Variants in NFX1 observed in about 807,000 individuals in gnomAD.
NFX1 encodes transcriptional repressor NF-X1.
A neutral mutation model predicts 137.2 loss-of-function variants in NFX1; 69 were observed. The observed-to-expected ratio is 0.50, with a 90% CI of 0.41 to 0.61. The LOEUF (loss-of-function observed/expected upper bound fraction) is 0.61, where lower values mean the gene tolerates loss of function less well. NFX1 is among the 20% of genes least tolerant of loss of function. The pLI is 0.00. For synonymous variants in NFX1, 495 were observed against 474.1 expected (o/e 1.04, Z -0.57); for missense variants, 1,167 against 1,391.0 (o/e 0.84, Z 2.56).
chr9:33,312,192 G>A (rs1821986466), intron 6 of NFX1, among the ~76,000 whole-genome samples: 1 of 152,172 alleles, frequency 6.6e-6, no homozygotes, highest in African/African-American at 2.4e-5. Context: ...AACTTATGTG[G>A]ACAGCCATGT....
In NFX1 at chr9:33,370,088, A is replaced by G. The variant is rs1397161964; in HGVS notation, c.*110A>G. ...CTGCCTGGCAGAATCACAGTCTCAC[A>G]TACTGTCTTGTACTGACACATCCAA... On this transcript the variant is annotated 3_prime_UTR_variant, in exon 24 of 24. Transcript: ENST00000379540. The G allele has an allele frequency of 3.7e-6, 3 of 800,866 alleles. No homozygotes were observed. The highest frequency in any genetic ancestry group is 3.4e-5 in the African/African-American group (2 of 58,396). The allele number at this position is 800,866 out of a possible 1,614,324, so 49.6% of individuals were successfully genotyped here. A position where few individuals can be genotyped will look rare whatever the true frequency, so the allele number is the denominator to read the frequency against.
rs1429702781 is a variant in NFX1 at position 33,295,394 on chromosome 9, A to G, written c.1000A>G (p.Asn334Asp). The change falls in exon 2 of 24, where the codon AAC becomes GAC. Residue 334 changes from asparagine to aspartate, a missense_variant. Around this residue, in one of 3 missense-constraint regions of NFX1, gnomAD observed 488 missense variants for 691.5 expected, o/e 0.71. Transcript: ENST00000379540. ...ATCTCCTTTCTCCCGAGGCAAACAGAACCATGTGCTAAAGAATGTGGAAAC... is the reference window on the plus strand; with the variant it reads ...ATCTCCTTTCTCCCGAGGCAAACAGGACCATGTGCTAAAGAATGTGGAAAC... The part of the protein sequence containing the change: ...VVSPFSRGKQ[N>D]HVLKNVETHT... 3 of 1,613,912 alleles carry G rather than the reference A, an allele frequency of 1.9e-6. No individual in the cohort carries two copies. In the South Asian group the frequency reaches 3.3e-5, roughly 18 times the overall value.
chr9:33,357,783 G>A (rs1587875913), intron 19 of NFX1, among the ~76,000 whole-genome samples: 2 of 150,708 alleles, frequency 1.3e-5, no homozygotes, highest in South Asian at 2.1e-4. Context: ...TGGCTCAAGC[G>A]AACCTCCTGC....
chr9:33,353,663 G>GT (rs1463898023), intron 17 of NFX1, among the ~76,000 whole-genome samples: 2 of 143,304 alleles, frequency 1.4e-5, no homozygotes, highest in Admixed American at 7.0e-5. Flanking sequence ...GGCCACACCA[G>GT]TTTTCATCTG....
intron 1 of NFX1, among the ~76,000 whole-genome samples, chr9:33,291,897 C>T (rs746691798): frequency 2.6e-4 from 40 of 151,832 alleles, no homozygotes; most frequent in Non-Finnish European, 4.7e-4. Context: ...AGTGTGACTT[C>T]GTCTCAAAAA....
rs752987048 is a variant in NFX1, at chr9:33,370,007, A to G, written c.*29A>G. Reference sequence around the variant, plus strand: ...GATCATGATGCACTTAGATAAAAGAATGATTAGGTATAGTGGAGACTTATT... The same window carrying G: ...GATCATGATGCACTTAGATAAAAGAGTGATTAGGTATAGTGGAGACTTATT... On this transcript the variant is annotated 3_prime_UTR_variant, in exon 24 of 24. Transcript: ENST00000379540. 1.3e-6 allele frequency: 2 copies of G among 1,547,534 alleles called. No homozygotes were observed. The highest frequency in any genetic ancestry group is 2.7e-5 in the African/African-American group (2 of 73,626).
chr9:33,334,025 A>G (rs1451963302), intron 11 of NFX1, among the ~76,000 whole-genome samples: 1 of 152,160 alleles, frequency 6.6e-6, no homozygotes, highest in African/African-American at 2.4e-5. Flanking sequence ...CACCCCTGTA[A>G]TCCCAGCTAC....
In NFX1 at chr9:33,318,848, C is replaced by T. The variant is rs1366226327; in HGVS notation, c.1688+18C>T. 1 of 1,614,044 alleles carries T rather than the reference C, an allele frequency of 6.2e-7. No individual in the cohort carries two copies. The highest frequency in any genetic ancestry group is 1.3e-5 in the African/African-American group (1 of 74,938). Reference sequence around the variant, plus strand: ...TGTGGCAAGTAAGGTTTTACGTTTTCTTCAGTTGAACTAAAGCTGCACTTT... The same window carrying T: ...TGTGGCAAGTAAGGTTTTACGTTTTTTTCAGTTGAACTAAAGCTGCACTTT... On this transcript the variant is annotated intron_variant, in intron 8 of 23. Transcript: ENST00000379540.
At chr9:33,339,797 G>C (rs1331222738) in intron 12 of NFX1, among the ~76,000 whole-genome samples, 1 of 152,194 alleles carries the variant, frequency 6.6e-6, no homozygotes, top group African/African-American at 2.4e-5. Flanking sequence ...AGGGGCTACA[G>C]GCCCCATGCA....
At chr9:33,351,527 A>G in intron 15 of NFX1, 33 bp from the exon 16 acceptor site, 2 of 1,585,444 alleles carry the variant, frequency 1.3e-6, no homozygotes, top group Non-Finnish European at 1.7e-6. Context: ...TCCCACATGG[A>G]GATGAGAATC....
In NFX1 at chr9:33,296,154, T is replaced by G. The variant is rs115831329; in HGVS notation, c.1033+727T>G. Among the ~76,000 whole-genome samples, 582 of 152,308 alleles carry G rather than the reference T, an allele frequency of 3.8e-3. 3 individuals are homozygous for G. The highest frequency in any genetic ancestry group is 0.013 in the African/African-American group (542 of 41,556). On this transcript the variant is annotated intron_variant, in intron 2 of 23. Coordinates refer to ENST00000379540, the MANE Select transcript of NFX1 (RefSeq NM_002504.6). ...GTTGGCCAGGCTAGTCTCAAACTTC[T>G]GACCTCGGGTGATCCGCCTCGGCTT...
At chr9:33,351,982 T>G (rs938596705) in intron 16 of NFX1, 192 bp downstream of exon 16, 1 of 542,690 alleles carries the variant, frequency 1.8e-6, no homozygotes, top group Non-Finnish European at 3.2e-6. Flanking sequence ...GCCTTTTGAT[T>G]CAGCAGGTAC....
intron 4 of NFX1, among the ~76,000 whole-genome samples, chr9:33,305,945 G>A (rs1163869129): frequency 1.3e-5 from 2 of 152,206 alleles, no homozygotes; most frequent in African/African-American, 4.8e-5. Flanking sequence ...AGGGTACAGA[G>A]TGAGAAAAGG....
chr9:33,319,096 G>A lies in NFX1; in HGVS notation c.1875G>A (p.Val625=), dbSNP rs1822287311. The A allele has an allele frequency of 6.2e-7, 1 of 1,614,222 alleles. No individual in the cohort carries two copies. The highest frequency in any genetic ancestry group is 8.5e-7 in the Non-Finnish European group (1 of 1,180,038). The change falls in exon 9 of 24, where the codon GTG becomes GTA. Residue 625 remains valine, a synonymous_variant. Transcript: ENST00000379540. ...ACCCTGTGCCTTCATGTGGAAAAGTGTGCGGCAAGCCTCTGCCTTGTGGTT... is the reference window on the plus strand; with the variant it reads ...ACCCTGTGCCTTCATGTGGAAAAGTATGCGGCAAGCCTCTGCCTTGTGGTT... ...CMDPVPSCGK[V]CGKPLPCGSL...
intron 11 of NFX1, among the ~76,000 whole-genome samples, chr9:33,336,933 C>T (rs949637303): frequency 2.0e-5 from 3 of 152,316 alleles, no homozygotes; most frequent in Non-Finnish European, 2.9e-5. Flanking sequence ...GAAACCCCGT[C>T]TCTACTAAAA....
intron 15 of NFX1, 129 bp downstream of exon 15, chr9:33,347,246 A>AT (rs113527156): frequency 1.5e-6 from 1 of 681,336 alleles, no homozygotes. Flanking sequence ...TTGCTTAAAA[A>AT]TTTTTTCTTA....
chr9:33,296,629 G>A (rs1364363336), intron 2 of NFX1, among the ~76,000 whole-genome samples: 1 of 152,216 alleles, frequency 6.6e-6, no homozygotes, highest in East Asian at 1.9e-4. Context: ...CAGACACTCA[G>A]GAAGCTGAAG....
At chr9:33,346,982 G>T in intron 14 of NFX1, 56 bp from the exon 15 acceptor site, 2 of 1,412,962 alleles carry the variant, frequency 1.4e-6, no homozygotes, top group South Asian at 2.4e-5. Flanking sequence ...GATGTATAAT[G>T]GTTTACATGG....
chr9:33,290,633 C>T (rs1821121670), intron 1 of NFX1, 36 bp downstream of exon 1: 1 of 1,591,356 alleles, frequency 6.3e-7, no homozygotes, highest in Non-Finnish European at 8.5e-7. Context: ...GGGCCCCTTT[C>T]AGGGAGCGGA....
Sources: allele counts gnomAD v4.1 joint callset (sites outside exome capture counted in the v4.1 genomes callset), GRCh38; gene constraint gnomAD v4.1.1; regional missense constraint gnomAD v4.1.1; transcripts MANE v1.5; gene names NCBI Gene and HGNC (gene_info 2026-07-23, HGNC 2026-07-21).